Variants in GUCY1A1 observed in about 807,000 individuals in gnomAD.
GUCY1A1 encodes the protein guanylate cyclase soluble subunit alpha-1.
A neutral mutation model predicts 64.5 loss-of-function variants in GUCY1A1; 48 were observed. The observed-to-expected ratio is 0.74, with a 90% CI of 0.59 to 0.95. The LOEUF (loss-of-function observed/expected upper bound fraction) is 0.95. GUCY1A1 is among the 40% of genes least tolerant of loss of function. The probability of loss-of-function intolerance (pLI) is 0.00; values close to 1 mark genes in which losing one functional copy is unlikely to be tolerated. For missense variants in GUCY1A1, 804 were observed against 825.3 expected, an observed-to-expected ratio of 0.97 and a Z score of 0.32; for synonymous variants, 308 against 303.4, an observed-to-expected ratio of 1.02 and a Z score of -0.16.
intron 2 of GUCY1A1, among the ~76,000 whole-genome samples, chr4:155,694,025 G>A (rs1324464510): frequency 6.6e-6 from 1 of 152,056 alleles, no homozygotes; most frequent in Non-Finnish European, 1.5e-5. Flanking sequence ...GCCATCCTCA[G>A]ACCTAACCTA....
At chr4:155,696,569 G>A (rs1730435710) in intron 2 of GUCY1A1, among the ~76,000 whole-genome samples, 187 bp from the exon 3 acceptor site, 1 of 152,170 alleles carries the variant, frequency 6.6e-6, no homozygotes, top group Admixed American at 6.5e-5. Context: ...TGCTAATATT[G>A]TGAAATTCAC....
In GUCY1A1 at chr4:155,711,076, G is replaced by T. The variant is rs1188219133; in HGVS notation, c.911G>T (p.Gly304Val). Residue 304 changes from glycine to valine, a missense_variant, in exon 6 of 10, where the codon GGC becomes GTC. Coordinates refer to ENST00000506455, the MANE Select transcript of GUCY1A1 (RefSeq NM_001130682.3). ...KDMTILQFGNGIRRLMNRRDF... is the reference protein window; with the variant it reads ...KDMTILQFGNVIRRLMNRRDF... ...ATGACAATTCTGCAATTTGGCAATG[G>T]CATCAGAAGGCTGATGAACAGGAGA... is the stretch of plus-strand genomic sequence containing the variant. 1 of 1,613,712 alleles carries T rather than the reference G, an allele frequency of 6.2e-7. No homozygotes were observed. The highest frequency in any genetic ancestry group is 2.2e-5 in the East Asian group (1 of 44,880).
chr4:155,682,587 G>T (rs999190632), intron 2 of GUCY1A1, among the ~76,000 whole-genome samples: 1 of 151,956 alleles, frequency 6.6e-6, no homozygotes, highest in Non-Finnish European at 1.5e-5. Flanking sequence ...CCGGAGAATC[G>T]CTTGAAACCG....
At chr4:155,717,373 G>A in intron 8 of GUCY1A1, 71 bp downstream of exon 8, 1 of 1,148,314 alleles carries the variant, frequency 8.7e-7, no homozygotes. Flanking sequence ...CCAAAACCAT[G>A]GTGTATCAGT....
In GUCY1A1 at chr4:155,708,291, G is replaced by T. The variant is rs1732072465; in HGVS notation, c.373G>T (p.Ala125Ser). ...AACAATTGCAGAGCAAGCAGTTGCA[G>T]CAGGTAATAGAATTGTTTATGTAAT... ...EKTIAEQAVA[A>S]GVPVEVIKES... The change falls in exon 5 of 10, where the codon GCA becomes TCA. Residue 125 changes from alanine (A) to serine (S), a missense_variant. Transcript: ENST00000506455. 6.6e-7 allele frequency: 1 copy of T among 1,514,588 alleles called. No individual in the cohort carries two copies. Among genetic ancestry groups the T allele is most frequent in the Admixed American group, 1.7e-5 (1 of 59,494 alleles). The allele number at this position is 1,514,588 out of a possible 1,614,324, so 93.8% of individuals were successfully genotyped here.
At position 155,713,330 on chromosome 4, in the gene GUCY1A1, A is replaced by G; in HGVS notation, c.1319A>G (p.His440Arg). ...GKLKATLEQA[H>R]QALEEEKKKT... ...CTGAAGGCTACCCTTGAGCAAGCCCACCAAGCCCTGGAGGAGGAGAAGAAA... is the reference window on the plus strand; with the variant it reads ...CTGAAGGCTACCCTTGAGCAAGCCCGCCAAGCCCTGGAGGAGGAGAAGAAA... The change falls in exon 7 of 10, where the codon CAC becomes CGC. Residue 440 changes from histidine (H) to arginine (R), a missense_variant. By Grantham distance (29) the His-to-Arg change is conservative (BLOSUM62 0). Transcript: ENST00000506455. 1 of 1,614,188 alleles carries G rather than the reference A, an allele frequency of 6.2e-7. No individual in the cohort carries two copies. Among genetic ancestry groups the G allele is most frequent in the South Asian group, 1.1e-5 (1 of 91,082 alleles).
At chr4:155,719,442 T>G (rs1208415829) in intron 8 of GUCY1A1, among the ~76,000 whole-genome samples, 1 of 152,162 alleles carries the variant, frequency 6.6e-6, no homozygotes, top group Non-Finnish European at 1.5e-5. Flanking sequence ...GCATCTACAC[T>G]GGCAGACACG....
intron 2 of GUCY1A1, chr4:155,668,312 G>A (rs1054021025): frequency 6.6e-6 from 1 of 152,230 alleles, no homozygotes; most frequent in African/African-American, 2.4e-5. Flanking sequence ...TACATCTTCT[G>A]AAGTAAGCCA....
intron 2 of GUCY1A1, among the ~76,000 whole-genome samples, chr4:155,691,428 AT>A (rs1729718459): frequency 1.3e-5 from 2 of 152,190 alleles, no homozygotes; most frequent in South Asian, 2.1e-4. Flanking sequence ...GGTTTATGGG[AT>A]TTTATGTAAT....
Position 155,733,139 on chromosome 4 carries a change from T to C in GUCY1A1, c.*2908T>C, listed in dbSNP as rs1560979690. Among the ~76,000 whole-genome samples, 1 of 151,924 alleles carries C rather than the reference T, an allele frequency of 6.6e-6. No individual in the cohort carries two copies. Among genetic ancestry groups the C allele is most frequent in the Non-Finnish European group, 1.5e-5 (1 of 67,894 alleles). ...TGAAGAATTTATTGAATGCCTACTA[T>C]GTGCCAGGAATATTGCTATATTTTT... On this transcript the variant is annotated 3_prime_UTR_variant, in exon 10 of 10. Transcript: ENST00000506455.
chr4:155,710,458 A>G, intron 5 of GUCY1A1, 84 bp from the exon 6 acceptor site: 1 of 831,352 alleles, frequency 1.2e-6, no homozygotes, highest in Non-Finnish European at 1.9e-6. Flanking sequence ...TCAGCAAATA[A>G]CGCAAGTTGA....
At chr4:155,690,746 A>G (rs6536083) in intron 2 of GUCY1A1, among the ~76,000 whole-genome samples, 147,877 of 152,200 alleles carry the variant, frequency 0.97, 71,985 homozygotes, top group East Asian at 1. Flanking sequence ...TTCCCAGAGC[A>G]CTATATCCCT....
chr4:155,684,605 C>T (rs978488517), intron 2 of GUCY1A1, among the ~76,000 whole-genome samples: 1 of 152,116 alleles, frequency 6.6e-6, no homozygotes, highest in East Asian at 1.9e-4. Context: ...CTCCAGGCCT[C>T]GAATCTCACA....
In GUCY1A1 at chr4:155,713,091, T is replaced by A. The variant is rs1732787045; in HGVS notation, c.1087-7T>A. On this transcript the variant is annotated splice_polypyrimidine_tract_variant and splice_region_variant and intron_variant, in intron 6 of 9. Coordinates refer to ENST00000506455, the MANE Select transcript of GUCY1A1 (RefSeq NM_001130682.3). ...TAAACCACAATTGGTTATCCTTTCC[T>A]TCATAGGTTATGGACCTCAAAGGCC... 2 of 1,596,966 alleles carry A rather than the reference T, an allele frequency of 1.3e-6. No homozygotes were observed. The highest frequency in any genetic ancestry group is 1.7e-6 in the Non-Finnish European group (2 of 1,171,070).
intron 9 of GUCY1A1, among the ~76,000 whole-genome samples, chr4:155,722,908 A>G (rs973490781): frequency 6.6e-6 from 1 of 151,948 alleles, no homozygotes; most frequent in Non-Finnish European, 1.5e-5. Context: ...TTGAGCTTTG[A>G]GTTTGGTGTA....
chr4:155,724,007 C>T (rs1734327434), intron 9 of GUCY1A1, among the ~76,000 whole-genome samples: 1 of 152,048 alleles, frequency 6.6e-6, no homozygotes, highest in African/African-American at 2.4e-5. Flanking sequence ...CCAGCCCAGA[C>T]TCTCAGTTGA....
At chr4:155,692,409 G>A (rs77903426) in intron 2 of GUCY1A1, among the ~76,000 whole-genome samples, 2,014 of 152,172 alleles carry the variant, frequency 0.013, 43 homozygotes, top group African/African-American at 0.046. Flanking sequence ...ACACTCCCAC[G>A]AAGAGTGTAA....
In GUCY1A1 at chr4:155,710,897, C is replaced by T; in HGVS notation, c.732C>T (p.Cys244=). 1.9e-6 allele frequency: 3 copies of T among 1,613,754 alleles called. No homozygotes were observed. In the South Asian group the frequency reaches 3.3e-5, roughly 18 times the overall value. Residue 244 remains cysteine, a synonymous_variant, in exon 6 of 10, where the codon TGC becomes TGT. Transcript: ENST00000506455. Reference sequence around the variant, plus strand: ...TGCCTCCCTGCTTCCATAATGATTGCAGCGAGTTTGTGAATCAGCCCTACT... The same window carrying T: ...TGCCTCCCTGCTTCCATAATGATTGTAGCGAGTTTGTGAATCAGCCCTACT... The part of the protein sequence containing the change: ...SLMPPCFHND[C]SEFVNQPYLL...
chr4:155,710,309 C>T (rs765746788), intron 5 of GUCY1A1, among the ~76,000 whole-genome samples: 14 of 152,026 alleles, frequency 9.2e-5, no homozygotes, highest in Non-Finnish European at 1.5e-4. Context: ...TATACTCAAC[C>T]GGTCATTCTT....
Sources: gnomAD v4.1 joint callset for allele counts (sites outside exome capture counted in the v4.1 genomes callset) on GRCh38, gnomAD v4.1.1 for gene constraint, MANE v1.5 for transcripts, NCBI Gene and HGNC (gene_info 2026-07-23, HGNC 2026-07-21) for gene names.